Variants in BICC1 observed in about 807,000 individuals in gnomAD.
BICC1 encodes BicC family RNA binding protein 1.
BICC1 carries 43 observed loss-of-function variants against 111.0 expected under a neutral mutation model. The ratio of observed to expected loss-of-function variants is 0.39; its 90% CI spans 0.30 to 0.50. The LOEUF (loss-of-function observed/expected upper bound fraction) is 0.50. Ranked by LOEUF, BICC1 falls within the 20% of genes least tolerant of loss-of-function variation. The pLI is 0.88. For missense variants in BICC1, 1,091 were observed against 1,203.2 expected, an observed-to-expected ratio of 0.91 and a Z score of 1.38; for synonymous variants, 467 against 434.4, an observed-to-expected ratio of 1.07 and a Z score of -0.93.
At chr10:58,713,303 C>T (rs921138519) in intron 3 of BICC1, among the ~76,000 whole-genome samples, 1 of 152,122 alleles carries the variant, frequency 6.6e-6, no homozygotes, top group African/African-American at 2.4e-5. Context: ...TTTATGTCCT[C>T]TTGCCTGTGG....
chr10:58,691,690 G>T (rs573658843), intron 2 of BICC1, among the ~76,000 whole-genome samples: 3 of 152,172 alleles, frequency 2.0e-5, no homozygotes, highest in African/African-American at 7.2e-5. Flanking sequence ...TTAGCAGAAG[G>T]TTGGAATGGA....
At chr10:58,819,216 CT>C (rs1844184624) in intron 19 of BICC1, among the ~76,000 whole-genome samples, 2 of 152,154 alleles carry the variant, frequency 1.3e-5, no homozygotes, top group African/African-American at 4.8e-5. Context: ...TATTTACCAT[CT>C]GGTCCTTTAA....
At chr10:58,769,405 T>TATATATATATATATATAC (rs1491153293) in intron 3 of BICC1, among the ~76,000 whole-genome samples, 1 of 112,298 alleles carries the variant, frequency 8.9e-6, no homozygotes, top group East Asian at 2.8e-4. Flanking sequence ...TGTGTGTGTG[T>TATATATATATATATATAC]ATATATATAT....
chr10:58,535,611 C>A (rs1842805090), intron 1 of BICC1, among the ~76,000 whole-genome samples: 1 of 151,648 alleles, frequency 6.6e-6, no homozygotes, highest in African/African-American at 2.4e-5. Flanking sequence ...GATTGATACA[C>A]ACCAGGATAG....
intron 3 of BICC1, among the ~76,000 whole-genome samples, chr10:58,782,023 ATG>A (rs1404372846): frequency 6.6e-6 from 1 of 152,184 alleles, no homozygotes; most frequent in Non-Finnish European, 1.5e-5. Flanking sequence ...CTGTCTCTGC[ATG>A]CATGCTCATG....
intron 2 of BICC1, among the ~76,000 whole-genome samples, chr10:58,648,191 T>A (rs1245744936): frequency 1.3e-5 from 2 of 152,218 alleles, no homozygotes; most frequent in Non-Finnish European, 2.9e-5. Context: ...GACTGTCTCC[T>A]CCGGTAGAGC....
At chr10:58,791,992 A>G (rs954684959) in intron 8 of BICC1, among the ~76,000 whole-genome samples, 2 of 151,964 alleles carry the variant, frequency 1.3e-5, no homozygotes, top group Non-Finnish European at 2.9e-5. Context: ...GGGTTTCACT[A>G]TGTTGGCCAG....
At chr10:58,619,230 A>AT (rs1325437861) in intron 1 of BICC1, among the ~76,000 whole-genome samples, 3 of 152,166 alleles carry the variant, frequency 2.0e-5, no homozygotes, top group African/African-American at 7.2e-5. Flanking sequence ...CCTACCACAT[A>AT]TTAGAATACA....
chr10:58,740,398 T>C (rs562950061), intron 3 of BICC1, among the ~76,000 whole-genome samples: 2 of 152,326 alleles, frequency 1.3e-5, no homozygotes, highest in South Asian at 2.1e-4. Context: ...TCCTTTGACA[T>C]TTAAAAGTTG....
At chr10:58,708,362 A>G (rs1483024561) in intron 3 of BICC1, among the ~76,000 whole-genome samples, 1 of 151,630 alleles carries the variant, frequency 6.6e-6, no homozygotes, top group Admixed American at 6.6e-5. Flanking sequence ...AGTATACCAG[A>G]TGTAATGCTC....
chr10:58,725,180 A>G (rs1448469401), intron 3 of BICC1, among the ~76,000 whole-genome samples: 2 of 152,118 alleles, frequency 1.3e-5, no homozygotes, highest in South Asian at 2.1e-4. Flanking sequence ...CACAGAATGC[A>G]TGTTATTTCC....
chr10:58,516,045 T>C (rs919732216), intron 1 of BICC1, among the ~76,000 whole-genome samples: 3 of 152,176 alleles, frequency 2.0e-5, no homozygotes, highest in African/African-American at 7.2e-5. Context: ...TCTAATATTG[T>C]TAGATATTCT....
At chr10:58,824,070 T>C (rs1844326491) in intron 20 of BICC1, 11 of 984,186 alleles carry the variant, frequency 1.1e-5, no homozygotes, top group Non-Finnish European at 1.3e-5. Context: ...CATGTTAAAA[T>C]AGCAAATAAA....
chr10:58,770,857 G>A (rs1479309169), intron 3 of BICC1, among the ~76,000 whole-genome samples: 2 of 152,164 alleles, frequency 1.3e-5, no homozygotes. Context: ...ATGTAGACCT[G>A]TTGGGCTCTG....
rs1298332581 is a variant in BICC1 at position 58,754,758 on chromosome 10, GTA to G, written c.308-30241_308-30240del. Among the ~76,000 whole-genome samples, 33 of 119,098 alleles carry G rather than the reference GTA, an allele frequency of 2.8e-4. No individual in the cohort carries two copies. The East Asian group carries it at 6.7e-3, about 24-fold the overall frequency. The allele number at this position is 119,098 out of a possible 152,430, so 78.1% of individuals were successfully genotyped here. A position where few individuals can be genotyped will look rare whatever the true frequency, so the allele number is the denominator to read the frequency against. ...GGGACAAACTTGTGAGGGGGGGTGTGTATGTGTGTGTGTGTGTGTGTGTGTGT... is the reference window on the plus strand; with the variant it reads ...GGGACAAACTTGTGAGGGGGGGTGTGTGTGTGTGTGTGTGTGTGTGTGTGT... On this transcript the variant is annotated intron_variant, in intron 3 of 20. Transcript: ENST00000373886.
intron 17 of BICC1, among the ~76,000 whole-genome samples, chr10:58,812,286 C>A (rs941390213): frequency 7.2e-5 from 11 of 151,866 alleles, no homozygotes; most frequent in Non-Finnish European, 1.5e-4. Context: ...GGACTTTTGG[C>A]TGGAGCAGCT....
intron 3 of BICC1, among the ~76,000 whole-genome samples, chr10:58,719,603 G>A (rs926581708): frequency 6.6e-6 from 1 of 152,018 alleles, no homozygotes; most frequent in Non-Finnish European, 1.5e-5. Flanking sequence ...GCCTCATTTG[G>A]GCACTTTTCA....
At chr10:58,525,762 C>T (rs1055654955) in intron 1 of BICC1, among the ~76,000 whole-genome samples, 4 of 151,838 alleles carry the variant, frequency 2.6e-5, no homozygotes, top group African/African-American at 7.3e-5. Context: ...GAAAAATAAT[C>T]GTCAGTAATC....
chr10:58,592,992 C>T (rs544690163), intron 1 of BICC1, among the ~76,000 whole-genome samples: 9 of 151,856 alleles, frequency 5.9e-5, no homozygotes, highest in East Asian at 3.9e-4. Flanking sequence ...TTGAAATTCT[C>T]GCTGCCAGCA....
Sources: allele counts gnomAD v4.1 joint callset (sites outside exome capture counted in the v4.1 genomes callset), GRCh38; gene constraint gnomAD v4.1.1; transcripts MANE v1.5; gene names NCBI Gene and HGNC (gene_info 2026-07-23, HGNC 2026-07-21).